Variants in ZFHX3 observed in about 807,000 individuals in gnomAD.
ZFHX3 encodes the protein zinc finger homeobox protein 3.
In ZFHX3, 42 loss-of-function variants were observed where a neutral mutation model predicts 279.1. That is an observed-to-expected ratio of 0.15 (90% CI 0.12 to 0.19). ZFHX3 has a LOEUF of 0.19. Ranked by LOEUF, ZFHX3 falls within the 10% of genes least tolerant of loss-of-function variation. The pLI is 1.00. For missense variants in ZFHX3, 4,981 were observed against 4,754.0 expected, an observed-to-expected ratio of 1.05 and a Z score of -1.40; for synonymous variants, 2,293 against 1,957.8, an observed-to-expected ratio of 1.17 and a Z score of -4.52.
chr16:73,214,411 C>G (rs569831783), intron 5 of ZFHX3, among the ~76,000 whole-genome samples: 1 of 152,144 alleles, frequency 6.6e-6, no homozygotes, highest in East Asian at 1.9e-4. Flanking sequence ...TACGGTGTGG[C>G]CTTCAATACA....
chr16:72,907,392 T>C (rs1318631788), intron 3 of ZFHX3, among the ~76,000 whole-genome samples: 1 of 152,088 alleles, frequency 6.6e-6, no homozygotes, highest in Non-Finnish European at 1.5e-5. Flanking sequence ...AAAATGAGTG[T>C]TCATCAATCA....
At chr16:73,251,646 G>C (rs1013596098) in intron 5 of ZFHX3, among the ~76,000 whole-genome samples, 1 of 151,720 alleles carries the variant, frequency 6.6e-6, no homozygotes, top group South Asian at 2.1e-4. Flanking sequence ...GATAGATTAG[G>C]TTAGGGACAA....
intron 1 of ZFHX3, among the ~76,000 whole-genome samples, chr16:73,860,978 T>C (rs1404901680): frequency 6.7e-6 from 1 of 148,336 alleles, no homozygotes; most frequent in African/African-American, 2.6e-5. Flanking sequence ...TGTATATTTT[T>C]TGCAGATTTT....
Position 73,152,127 on chromosome 16 carries a change from G to A in ZFHX3, c.-1103-8296C>T, listed in dbSNP as rs565149372. ...CACCAAATAACTGCTCATATGTCCC[G>A]AACGATGATGAATTCATTCAAACAA... On this transcript the variant is annotated intron_variant, in intron 5 of 17. Transcript: ENST00000641206. Among the ~76,000 whole-genome samples, 432 of 152,118 alleles carry A rather than the reference G, an allele frequency of 2.8e-3. 2 individuals are homozygous for A. Among genetic ancestry groups the A allele is most frequent in the Non-Finnish European group, 3.7e-3 (252 of 68,000 alleles).
chr16:73,150,176 C>T (rs1366234068), intron 5 of ZFHX3, among the ~76,000 whole-genome samples: 1 of 152,206 alleles, frequency 6.6e-6, no homozygotes, highest in Non-Finnish European at 1.5e-5. Flanking sequence ...TTTGGATTCA[C>T]TCTTCCCCCA....
chr16:73,166,472 G>C (rs1216400785), intron 5 of ZFHX3, among the ~76,000 whole-genome samples: 1 of 152,168 alleles, frequency 6.6e-6, no homozygotes, highest in Non-Finnish European at 1.5e-5. Flanking sequence ...CTTTAAGGAA[G>C]TTATGGCTAG....
At position 72,786,568 on chromosome 16, in the gene ZFHX3, A is replaced by T. The variant is rs1159953583; in HGVS notation, c.*596T>A. The T allele has an allele frequency of 2.0e-5, 3 of 151,366 alleles. No individual in the cohort carries two copies. The highest frequency in any genetic ancestry group is 4.4e-5 in the Non-Finnish European group (3 of 67,796). 9.4% of individuals were successfully genotyped at this position (151,366 alleles called of 1,614,324 possible). ...GCCCATTTTTAAGTTAACAAAACAA[A>T]AAATCTTTTCTGGAACAAAAAAAAA... On this transcript the variant is annotated 3_prime_UTR_variant, in exon 10 of 10. Transcript: ENST00000268489.
chr16:73,466,160 A>G (rs1296239466), intron 2 of ZFHX3, among the ~76,000 whole-genome samples: 2 of 145,314 alleles, frequency 1.4e-5, no homozygotes, highest in South Asian at 4.4e-4. Flanking sequence ...CTGCACAGAA[A>G]TCATTCTTTT....
chr16:73,079,734 C>A (rs1459105006), intron 8 of ZFHX3, among the ~76,000 whole-genome samples: 1 of 152,202 alleles, frequency 6.6e-6, no homozygotes, highest in Admixed American at 6.5e-5. Context: ...CTTGGTTCTA[C>A]TGCCTTTTTG....
At chr16:73,576,423 G>A (rs1313728105) in intron 2 of ZFHX3, among the ~76,000 whole-genome samples, 1 of 152,160 alleles carries the variant, frequency 6.6e-6, no homozygotes, top group Non-Finnish European at 1.5e-5. Context: ...ATCACCAAAG[G>A]ATCTGAGTGA....
rs772856866 is a variant in ZFHX3, at chr16:72,793,478, G to A, written c.9204C>T (p.Asp3068=). 4.3e-6 allele frequency: 7 copies of A among 1,614,044 alleles called. No individual in the cohort carries two copies. In the Admixed American group the frequency reaches 8.3e-5, roughly 19 times the overall value. ...CCATCAACTGACGTACGGTGGCTGG[G>A]TCAAAGTATTCTTTCTCCTTGTCCA... The part of the protein sequence containing the change: ...SQLDKEKEYF[D]PATVRQLMAQ... Residue 3068 remains aspartate, a synonymous_variant, in exon 9 of 10, where the codon GAC becomes GAT. Transcript: ENST00000268489. The surrounding 1 kb of genome is among the most constrained non-coding windows in gnomAD (Gnocchi z 4.3).
chr16:73,399,451 C>T (rs574196548), intron 3 of ZFHX3, among the ~76,000 whole-genome samples: 1 of 152,146 alleles, frequency 6.6e-6, no homozygotes, highest in Non-Finnish European at 1.5e-5. Flanking sequence ...ACGCAGCACC[C>T]CATGATAGCA....
chr16:73,391,536 T>C (rs901476881), intron 3 of ZFHX3, among the ~76,000 whole-genome samples: 2 of 152,210 alleles, frequency 1.3e-5, no homozygotes, highest in African/African-American at 2.4e-5. Context: ...CTTATGACTT[T>C]AGGGAATTTT....
At chr16:73,239,462 T>C (rs1289732770) in intron 5 of ZFHX3, among the ~76,000 whole-genome samples, 2 of 152,228 alleles carry the variant, frequency 1.3e-5, no homozygotes, top group East Asian at 1.9e-4. Context: ...TGTTTCCCTA[T>C]GTTATGCCTC....
At chr16:73,252,930 G>C (rs1450769951) in intron 5 of ZFHX3, among the ~76,000 whole-genome samples, 1 of 152,204 alleles carries the variant, frequency 6.6e-6, no homozygotes, top group African/African-American at 2.4e-5. Flanking sequence ...AGCTTAGAGA[G>C]AATGACCTTT....
chr16:73,582,473 A>T (rs1441003497), intron 2 of ZFHX3, among the ~76,000 whole-genome samples: 1 of 151,832 alleles, frequency 6.6e-6, no homozygotes, highest in Non-Finnish European at 1.5e-5. Context: ...TCTAATGATA[A>T]CTATTTATTT....
chr16:73,058,266 G>A (rs1362268868), intron 1 of ZFHX3, among the ~76,000 whole-genome samples: 1 of 144,232 alleles, frequency 6.9e-6, no homozygotes, highest in East Asian at 2.0e-4. Context: ...GGCAGCGGCG[G>A]GAGGAGGAGG....
rs746690503 is a variant in ZFHX3, at chr16:72,957,835, C to G, written c.2311G>C (p.Gly771Arg). 6.2e-7 allele frequency: 1 copy of G among 1,612,856 alleles called. No homozygotes were observed. The highest frequency in any genetic ancestry group is 2.2e-5 in the East Asian group (1 of 44,814). Residue 771 changes from glycine to arginine, a missense_variant, in exon 2 of 10, where the codon GGG becomes CGG. Gly to Arg is a moderately radical substitution (Grantham distance 125). Coordinates refer to ENST00000268489, the MANE Select transcript of ZFHX3 (RefSeq NM_006885.4). ...GCAGCCACCGCCGCCGCCGCCGCCCCGGCAGTGTGGCTGAAGACCTGCTCC... is the reference window on the plus strand; with the variant it reads ...GCAGCCACCGCCGCCGCCGCCGCCCGGGCAGTGTGGCTGAAGACCTGCTCC... Reference protein sequence around the residue: ...GGEQVFSHTAGAAAAAVAAAA... With the variant: ...GGEQVFSHTARAAAAAVAAAA...
At chr16:73,891,289 G>A (rs1392757051) in intron 1 of ZFHX3, among the ~76,000 whole-genome samples, 2 of 152,046 alleles carry the variant, frequency 1.3e-5, no homozygotes, top group African/African-American at 4.8e-5. Context: ...AGAAACAACA[G>A]CAATCTGTTG....
Sources: gnomAD v4.1 joint callset for allele counts (sites outside exome capture counted in the v4.1 genomes callset) on GRCh38, gnomAD v4.1.1 for gene constraint, Gnocchi (gnomAD v3.1) non-coding constraint, MANE v1.5 for transcripts, NCBI Gene and HGNC (gene_info 2026-07-23, HGNC 2026-07-21) for gene names.